The following KCNN2 variants were observed in gnomAD, a reference collection of about 807,000 sequenced individuals.
KCNN2 encodes small conductance calcium-activated potassium channel protein 2.
Under a neutral mutation model 55.5 loss-of-function variants are expected in KCNN2, and 24 were observed. The observed-to-expected ratio is 0.43, with a 90% CI of 0.31 to 0.61. KCNN2 has a LOEUF of 0.61. Among genes scored for constraint, KCNN2 ranks in the 20% least tolerant of loss-of-function variants. The pLI is 0.08. For missense variants in KCNN2, 754 were observed against 853.6 expected, an observed-to-expected ratio of 0.88 and a Z score of 1.45; for synonymous variants, 431 against 336.1, an observed-to-expected ratio of 1.28 and a Z score of -3.09.
In KCNN2 at chr5:114,268,089, A is replaced by T. The variant is rs544616343; in HGVS notation, c.-185+46524A>T. ...CTAAATCGCGTCATTTGCTGCCCAA[A>T]TTGCACACAGGGCACACTTGTGTGC... is the stretch of plus-strand genomic sequence containing the variant. On this transcript the variant is annotated intron_variant, in intron 2 of 10. Transcript: ENST00000512097. Among the ~76,000 whole-genome samples the T allele has an allele frequency of 2.6e-5, 4 of 152,308 alleles. No homozygotes were observed. In the South Asian group the frequency reaches 8.3e-4, roughly 32 times the overall value.
At chr5:114,438,906 C>T (rs555431033) in intron 3 of KCNN2, among the ~76,000 whole-genome samples, 1 of 152,178 alleles carries the variant, frequency 6.6e-6, no homozygotes, top group East Asian at 1.9e-4. Flanking sequence ...GCAATGAGTG[C>T]GTTGGAAAGC....
At chr5:114,388,484 C>T (rs1184600361) in intron 2 of KCNN2, among the ~76,000 whole-genome samples, 2 of 152,060 alleles carry the variant, frequency 1.3e-5, no homozygotes, top group African/African-American at 2.4e-5. Context: ...ATTGATGTCC[C>T]GCATTTTATT....
chr5:114,431,020 A>G (rs537473744), intron 3 of KCNN2, among the ~76,000 whole-genome samples: 3 of 152,238 alleles, frequency 2.0e-5, no homozygotes, highest in Non-Finnish European at 4.4e-5. Flanking sequence ...TTGCATCTAC[A>G]TTCATGAGAG....
At chr5:114,148,073 G>A (rs1180360343) in intron 1 of KCNN2, among the ~76,000 whole-genome samples, 3 of 152,168 alleles carry the variant, frequency 2.0e-5, no homozygotes, top group African/African-American at 7.2e-5. Context: ...TAGTAGGACT[G>A]TTAATCATTC....
At position 114,437,574 on chromosome 5, in the gene KCNN2, T is replaced by C. The variant is rs186812397; in HGVS notation, c.1638-25475T>C. 6.6e-5 allele frequency among the ~76,000 whole-genome samples: 10 copies of C among 152,224 alleles called. No homozygotes were observed. The East Asian group carries it at 1.5e-3, about 24-fold the overall frequency. ...GATTAAAGATGGCAAGAGCTAAAAG[T>C]AGAAAATAAAAAAGTGTTATATTGA... On this transcript the variant is annotated intron_variant, in intron 3 of 7. Transcript: ENST00000673685.
chr5:114,137,139 A>T (rs891544104), intron 1 of KCNN2, among the ~76,000 whole-genome samples: 1 of 152,022 alleles, frequency 6.6e-6, no homozygotes, highest in Non-Finnish European at 1.5e-5. Flanking sequence ...TCCTCCCCCT[A>T]CGCTCCCTGC....
exon 1 of KCNN2, chr5:114,056,093 C>T (rs1007594961): frequency 1.3e-4 from 46 of 343,828 alleles, no homozygotes; most frequent in Non-Finnish European, 2.0e-4. Flanking sequence ...GCCTGGGATT[C>T]GGTTCAATAT....
intron 1 of KCNN2, among the ~76,000 whole-genome samples, chr5:114,159,141 G>T (rs938304840): frequency 6.6e-6 from 1 of 152,152 alleles, no homozygotes; most frequent in African/African-American, 2.4e-5. Flanking sequence ...CTGTGGTTTT[G>T]TCATAGATAG....
intron 2 of KCNN2, among the ~76,000 whole-genome samples, chr5:114,349,220 T>C (rs1054248242): frequency 1.3e-5 from 2 of 152,150 alleles, no homozygotes; most frequent in African/African-American, 4.8e-5. Context: ...TGTTGTATCA[T>C]GTATCAAGAC....
intron 7 of KCNN2, among the ~76,000 whole-genome samples, chr5:114,495,327 G>T (rs369939703): frequency 5.9e-5 from 9 of 152,134 alleles, no homozygotes; most frequent in Admixed American, 4.6e-4. Flanking sequence ...CTGTAATTTG[G>T]AACAAAGGAT....
chr5:114,229,609 TTAG>T (rs199758712), intron 2 of KCNN2, among the ~76,000 whole-genome samples: 810 of 64,238 alleles, frequency 0.013, 3 homozygotes, highest in Non-Finnish European at 0.019. Context: ...GATGTAAATA[TTAG>T]TATGTATTTA....
At chr5:114,429,032 A>G (rs778593089) in intron 3 of KCNN2, among the ~76,000 whole-genome samples, 6 of 152,086 alleles carry the variant, frequency 3.9e-5, no homozygotes, top group Non-Finnish European at 5.9e-5. Context: ...TAGACATTTC[A>G]TGTGTAGGTT....
intron 2 of KCNN2, among the ~76,000 whole-genome samples, chr5:114,256,839 C>T (rs1754992483): frequency 6.6e-6 from 1 of 152,036 alleles, no homozygotes; most frequent in Non-Finnish European, 1.5e-5. Context: ...TTTATTATTT[C>T]TTTTGCTGTG....
chr5:114,189,178 T>A (rs548574600), intron 1 of KCNN2, among the ~76,000 whole-genome samples: 2 of 147,534 alleles, frequency 1.4e-5, no homozygotes, highest in Admixed American at 1.4e-4. Context: ...GTGTAAAGAT[T>A]TATTATAAGA....
In KCNN2 at chr5:114,335,991, T is replaced by C. The variant is rs1448699991; in HGVS notation, c.-184-24954T>C. 3.9e-5 allele frequency among the ~76,000 whole-genome samples: 6 copies of C among 152,178 alleles called. No individual in the cohort carries two copies. In the East Asian group the frequency reaches 1.2e-3, roughly 29 times the overall value. On this transcript the variant is annotated intron_variant, in intron 2 of 10. Coordinates refer to the KCNN2 transcript ENST00000512097. ...TCAAGTTATATTCCTAATATTACTG[T>C]CAAGCTACTCCCTGAAAAACTAAAT...
chr5:114,266,484 G>C (rs1424375253), intron 2 of KCNN2, among the ~76,000 whole-genome samples: 1 of 152,178 alleles, frequency 6.6e-6, no homozygotes, highest in Non-Finnish European at 1.5e-5. Flanking sequence ...TAGATGCTGG[G>C]TAGTTACTCT....
At chr5:114,436,611 C>T (rs539163849) in intron 3 of KCNN2, among the ~76,000 whole-genome samples, 2 of 152,246 alleles carry the variant, frequency 1.3e-5, no homozygotes, top group African/African-American at 4.8e-5. Flanking sequence ...CCTCACGATA[C>T]TTTGTTTCTT....
intron 3 of KCNN2, among the ~76,000 whole-genome samples, chr5:114,405,540 T>C (rs1171367517): frequency 6.6e-6 from 1 of 152,188 alleles, no homozygotes; most frequent in African/African-American, 2.4e-5. Context: ...AATAGACTTA[T>C]GACATAAGCA....
At chr5:114,299,271 G>A (rs1756101775) in intron 2 of KCNN2, among the ~76,000 whole-genome samples, 1 of 152,016 alleles carries the variant, frequency 6.6e-6, no homozygotes, top group African/African-American at 2.4e-5. Flanking sequence ...ATCCTGTTGG[G>A]AGCAACTTAG....
Sources: gnomAD v4.1 joint callset for allele counts (sites outside exome capture counted in the v4.1 genomes callset) on GRCh38, gnomAD v4.1.1 for gene constraint, MANE v1.5 for transcripts, NCBI Gene and HGNC (gene_info 2026-07-23, HGNC 2026-07-21) for gene names.